SCAND3: variants seen among roughly 807,000 people sequenced by gnomAD.
SCAND3 encodes the protein SCAN domain-containing protein 3.
chr6:28,579,135 C>G, the SCAND3 span: 1 of 769,620 alleles, frequency 1.3e-6, no homozygotes, highest in East Asian at 2.5e-5. This position sits in a 1 kb window ranked among gnomAD's most constrained non-coding sequence, Gnocchi z 4.5. Flanking sequence ...TAACATTACA[C>G]TATACTGATT....
the SCAND3 span, among the ~76,000 whole-genome samples, chr6:28,604,328 T>C: frequency 6.6e-6 from 1 of 152,198 alleles, no homozygotes; most frequent in Non-Finnish European, 1.5e-5. Flanking sequence ...ATTAGGAATT[T>C]TTTTTTGGCC....
At chr6:28,573,105 C>G in the SCAND3 span, 1 of 1,608,292 alleles carries the variant, frequency 6.2e-7, no homozygotes, top group Non-Finnish European at 8.5e-7. Flanking sequence ...AGAACTCTTC[C>G]TTTATATCAT....
chr6:28,600,941 G>A, the SCAND3 span, among the ~76,000 whole-genome samples: 13 of 130,562 alleles, frequency 1.0e-4, no homozygotes, highest in Non-Finnish European at 1.9e-4. Flanking sequence ...TCACTCTGTC[G>A]TCCAGGCTGG....
At chr6:28,575,013 C>T in the SCAND3 span, 1 of 1,614,006 alleles carries the variant, frequency 6.2e-7, no homozygotes, top group Non-Finnish European at 8.5e-7. This position sits in a 1 kb window ranked among gnomAD's most constrained non-coding sequence, Gnocchi z 4.2. Flanking sequence ...TTTCTTCATA[C>T]TGGGCTCTTA....
the SCAND3 span, among the ~76,000 whole-genome samples, chr6:28,615,589 A>C: frequency 2.8e-4 from 34 of 120,944 alleles, no homozygotes; most frequent in South Asian, 8.8e-3. Context: ...CAACAGAGAG[A>C]GACTCCATCT....
chr6:28,572,428 A>G, the SCAND3 span: 9 of 1,613,014 alleles, frequency 5.6e-6, no homozygotes, highest in African/African-American at 1.2e-4. This position sits in a 1 kb window ranked among gnomAD's most constrained non-coding sequence, Gnocchi z 4.1. Context: ...ATTATGAAAC[A>G]TGTCATAACA....
At chr6:28,601,700 A>AT in the SCAND3 span, among the ~76,000 whole-genome samples, 2 of 152,212 alleles carry the variant, frequency 1.3e-5, no homozygotes, top group East Asian at 3.9e-4. Context: ...TTGTGTGTGT[A>AT]TTTTTAGTAG....
the SCAND3 span, chr6:28,573,836 A>T: frequency 2.5e-5 from 37 of 1,509,400 alleles, no homozygotes; most frequent in African/African-American, 4.3e-5. Flanking sequence ...ATCTGAAATT[A>T]GGAATAAAAG....
At chr6:28,598,062 T>C in the SCAND3 span, 1 of 152,166 alleles carries the variant, frequency 6.6e-6, no homozygotes, top group Non-Finnish European at 1.5e-5. Context: ...GTTTGGAATG[T>C]TACTGCGTAA....
the SCAND3 span, among the ~76,000 whole-genome samples, chr6:28,614,296 T>C: frequency 1.3e-5 from 2 of 152,060 alleles, 1 homozygote; most frequent in South Asian, 4.2e-4. Context: ...CTATTTCTTA[T>C]GAATTTTAGC....
the SCAND3 span, chr6:28,571,991 G>T: frequency 6.2e-7 from 1 of 1,613,972 alleles, no homozygotes; most frequent in Non-Finnish European, 8.5e-7. Flanking sequence ...ACCCTCAGGG[G>T]ATAATGTATA....
chr6:28,579,711 G>A, the SCAND3 span, among the ~76,000 whole-genome samples: 4 of 152,124 alleles, frequency 2.6e-5, no homozygotes, highest in Admixed American at 2.0e-4. This position sits in a 1 kb window ranked among gnomAD's most constrained non-coding sequence, Gnocchi z 4.5. Flanking sequence ...AAACCGTGAT[G>A]ACTGAAAAAA....
chr6:28,592,870 A>G, the SCAND3 span, among the ~76,000 whole-genome samples: 54 of 152,346 alleles, frequency 3.5e-4, no homozygotes, highest in Middle Eastern at 6.8e-3. This position sits in a 1 kb window ranked among gnomAD's most constrained non-coding sequence, Gnocchi z 4.1. Context: ...CATGAAGAAG[A>G]ATAAAATTAG....
the SCAND3 span, chr6:28,573,423 AGCCC>A: frequency 6.2e-7 from 1 of 1,614,124 alleles, no homozygotes; most frequent in South Asian, 1.1e-5. Context: ...CTTTATATGA[AGCCC>A]GCAAAGCACT....
chr6:28,573,762 A>G, the SCAND3 span: 1 of 1,588,034 alleles, frequency 6.3e-7, no homozygotes, highest in African/African-American at 1.4e-5. Flanking sequence ...TTTTATTACT[A>G]CTACTGTGTT....
chr6:28,570,840 G>C, the SCAND3 span: 1 of 152,298 alleles, frequency 6.6e-6, no homozygotes, highest in African/African-American at 2.4e-5. Context: ...CACAAGAGCA[G>C]ATATTTGTGG....
chr6:28,607,204 CG>C, the SCAND3 span, among the ~76,000 whole-genome samples: 2 of 152,268 alleles, frequency 1.3e-5, no homozygotes, highest in East Asian at 1.9e-4. Flanking sequence ...TACGAGGTCC[CG>C]GGTTCAATCC....
chr6:28,613,616 A>C, the SCAND3 span, among the ~76,000 whole-genome samples: 3 of 152,202 alleles, frequency 2.0e-5, no homozygotes, highest in Non-Finnish European at 4.4e-5. Flanking sequence ...TGAACAAATT[A>C]GTATCCAAAA....
At chr6:28,601,767 C>T in the SCAND3 span, among the ~76,000 whole-genome samples, 1 of 152,196 alleles carries the variant, frequency 6.6e-6, no homozygotes, top group African/African-American at 2.4e-5. Flanking sequence ...CTTCCGCCCA[C>T]CTCGGCCTCC....
Sources: allele counts gnomAD v4.1 joint callset (sites outside exome capture counted in the v4.1 genomes callset), GRCh38; gene constraint gnomAD v4.1.1; non-coding constraint Gnocchi (gnomAD v3.1); transcripts MANE v1.5; gene names NCBI Gene and HGNC (gene_info 2026-07-23, HGNC 2026-07-21).